The following TRPC7 variants were observed in gnomAD, a reference collection of about 807,000 sequenced individuals.
TRPC7 encodes transient receptor potential cation channel subfamily C member 7.
Under a neutral mutation model 90.1 loss-of-function variants are expected in TRPC7, and 42 were observed. The ratio of observed to expected loss-of-function variants is 0.47; its 90% CI spans 0.36 to 0.60. The LOEUF (loss-of-function observed/expected upper bound fraction) is 0.60. Among genes scored for constraint, TRPC7 ranks in the 20% least tolerant of loss-of-function variants. The pLI, the probability that TRPC7 is intolerant of heterozygous loss-of-function variation, is 0.00. For missense variants in TRPC7, 955 were observed against 1,112.3 expected, an observed-to-expected ratio of 0.86 and a Z score of 2.01; for synonymous variants, 451 against 436.3, an observed-to-expected ratio of 1.03 and a Z score of -0.42.
chr5:136,245,961 G>C (rs1022156747), intron 7 of TRPC7, among the ~76,000 whole-genome samples: 39 of 152,294 alleles, frequency 2.6e-4, no homozygotes, highest in African/African-American at 9.4e-4. Context: ...TCTTCCACTA[G>C]ACCCTTCTCG....
intron 7 of TRPC7, among the ~76,000 whole-genome samples, chr5:136,233,490 G>A (rs1755880810): frequency 1.3e-5 from 2 of 152,200 alleles, no homozygotes; most frequent in Admixed American, 1.3e-4. Context: ...CAGTGGCAGA[G>A]AGATTTCAAA....
At position 136,352,075 on chromosome 5, in the gene TRPC7, T is replaced by G. The variant is rs149064345; in HGVS notation, c.780+4533A>C. ...GCCTTCTTAGTTGTAGCTTTGTTAT[T>G]CTTTAGAACCACCAGATGTTAAATA... On this transcript the variant is annotated intron_variant, in intron 2 of 11. Transcript: ENST00000513104. 3.4e-3 allele frequency among the ~76,000 whole-genome samples: 514 copies of G among 152,296 alleles called. 1 individual carries two copies. The highest frequency in any genetic ancestry group is 0.011 in the African/African-American group (473 of 41,562).
At chr5:136,222,849 A>C (rs941703888) in intron 10 of TRPC7, among the ~76,000 whole-genome samples, 1 of 152,140 alleles carries the variant, frequency 6.6e-6, no homozygotes, top group Admixed American at 6.5e-5. Flanking sequence ...ACTGAGCCTC[A>C]ATTCCCTCAT....
chr5:136,264,588 T>G (rs1756962748), intron 5 of TRPC7, among the ~76,000 whole-genome samples: 1 of 152,052 alleles, frequency 6.6e-6, no homozygotes, highest in Non-Finnish European at 1.5e-5. Context: ...GTTGCTGTTT[T>G]TTTTTTTGTT....
intron 3 of TRPC7, among the ~76,000 whole-genome samples, chr5:136,307,484 C>T (rs1758676367): frequency 6.6e-6 from 1 of 152,152 alleles, no homozygotes; most frequent in South Asian, 2.1e-4. Context: ...GTTTTGGAAC[C>T]CCTGGTCTAG....
intron 2 of TRPC7, among the ~76,000 whole-genome samples, chr5:136,356,138 T>C (rs1425817924): frequency 1.3e-5 from 2 of 152,192 alleles, no homozygotes; most frequent in Admixed American, 1.3e-4. Flanking sequence ...AGCCAGGTCT[T>C]CCTATTAGAC....
At chr5:136,238,260 C>A (rs1439267172) in intron 7 of TRPC7, among the ~76,000 whole-genome samples, 1 of 152,216 alleles carries the variant, frequency 6.6e-6, no homozygotes, top group East Asian at 1.9e-4. Flanking sequence ...ATCTTACTTG[C>A]CTATTTGTTT....
intron 3 of TRPC7, among the ~76,000 whole-genome samples, chr5:136,285,980 A>T (rs1486571501): frequency 6.6e-6 from 1 of 152,212 alleles, no homozygotes; most frequent in Non-Finnish European, 1.5e-5. Flanking sequence ...ACTAGAGTTT[A>T]TTAAGCATTT....
At chr5:136,353,963 G>T (rs959990269) in intron 2 of TRPC7, among the ~76,000 whole-genome samples, 2 of 149,590 alleles carry the variant, frequency 1.3e-5, no homozygotes, top group South Asian at 4.2e-4. Flanking sequence ...TAAAAAAAAT[G>T]TCTCAGATGT....
intron 11 of TRPC7, among the ~76,000 whole-genome samples, chr5:136,215,426 T>C (rs1317539023): frequency 6.6e-6 from 1 of 152,146 alleles, no homozygotes; most frequent in East Asian, 1.9e-4. Flanking sequence ...AAAGGGGAAC[T>C]GAGGTGGCAA....
intron 2 of TRPC7, among the ~76,000 whole-genome samples, chr5:136,342,583 T>TG (rs1298454249): frequency 1.3e-5 from 2 of 152,212 alleles, no homozygotes; most frequent in African/African-American, 2.4e-5. Context: ...CCTCAGTCCC[T>TG]GGGGCCTACC....
chr5:136,308,657 C>T (rs981173991), intron 3 of TRPC7, among the ~76,000 whole-genome samples: 5 of 152,168 alleles, frequency 3.3e-5, no homozygotes, highest in African/African-American at 9.7e-5. Flanking sequence ...CTTGAGTGTT[C>T]CTACCCATGG....
At chr5:136,314,789 A>G (rs1450115056) in intron 3 of TRPC7, among the ~76,000 whole-genome samples, 1 of 152,146 alleles carries the variant, frequency 6.6e-6, no homozygotes, top group Admixed American at 6.5e-5. Context: ...CCCCTCAAAG[A>G]CCAAACAGCT....
chr5:136,279,620 T>C (rs1452073513), intron 3 of TRPC7, among the ~76,000 whole-genome samples: 1 of 152,136 alleles, frequency 6.6e-6, no homozygotes, highest in Non-Finnish European at 1.5e-5. Context: ...GCCTCTACCC[T>C]TTCACAGTAT....
rs572726915 is a variant in TRPC7, at chr5:136,228,883, T to C, written c.2040+2471A>G. On this transcript the variant is annotated intron_variant, in intron 8 of 11. Transcript: ENST00000513104. ...TACACTCTCTGCATGTCGCGGCCCC[T>C]TTCCGTGGTGGGATAACTTGACATC... Among the ~76,000 whole-genome samples the C allele has an allele frequency of 3.9e-5, 6 of 152,316 alleles. No homozygotes were observed. The Middle Eastern group carries it at 0.017, about 432-fold the overall frequency.
chr5:136,325,009 G>A (rs1158879637), intron 2 of TRPC7, among the ~76,000 whole-genome samples: 2 of 152,334 alleles, frequency 1.3e-5, no homozygotes, highest in Admixed American at 1.3e-4. Context: ...AGCTAAGTCA[G>A]CAGATGTGTA....
chr5:136,283,561 T>G (rs982165090), intron 3 of TRPC7, among the ~76,000 whole-genome samples: 2 of 152,142 alleles, frequency 1.3e-5, no homozygotes, highest in East Asian at 1.9e-4. Context: ...TGAGTATGAG[T>G]TAGCCTCCCA....
chr5:136,290,747 T>G (rs897086582), intron 3 of TRPC7, among the ~76,000 whole-genome samples: 1 of 152,112 alleles, frequency 6.6e-6, no homozygotes, highest in Non-Finnish European at 1.5e-5. Context: ...ACTTCCCCCA[T>G]CTAGCAAGGC....
At chr5:136,314,571 T>A (rs146306065) in intron 3 of TRPC7, among the ~76,000 whole-genome samples, 9 of 152,298 alleles carry the variant, frequency 5.9e-5, no homozygotes, top group African/African-American at 2.2e-4. Context: ...TATTATAATA[T>A]CAAAGTAAAA....
Sources: allele counts gnomAD v4.1 joint callset (sites outside exome capture counted in the v4.1 genomes callset), GRCh38; gene constraint gnomAD v4.1.1; transcripts MANE v1.5; gene names NCBI Gene and HGNC (gene_info 2026-07-23, HGNC 2026-07-21).